The following MYH3 variants were observed in gnomAD, a reference collection of about 807,000 sequenced individuals.
MYH3 encodes the protein myosin-3.
In MYH3, 130 loss-of-function variants were observed where a neutral mutation model predicts 238.0. The observed-to-expected ratio is 0.55, with a 90% confidence interval of 0.47 to 0.63. The LOEUF (loss-of-function observed/expected upper bound fraction) is 0.63, where lower values mean the gene tolerates loss of function less well. Among genes scored for constraint, MYH3 ranks in the 30% least tolerant of loss-of-function variants. The pLI, the probability that MYH3 is intolerant of heterozygous loss-of-function variation, is 0.00. For synonymous variants in MYH3, 880 were observed against 924.1 expected (o/e 0.95, Z 0.86); for missense variants, 1,853 against 2,374.9 (o/e 0.78, Z 4.57).
chr17:10,643,114 A>G (rs987373064), intron 14 of MYH3, 118 bp from the exon 15 acceptor site: 18 of 1,558,918 alleles, frequency 1.2e-5, no homozygotes, highest in Non-Finnish European at 1.6e-5. Context: ...TTTCAAATAC[A>G]ATCACAATCT....
At position 10,642,456 on chromosome 17, in the gene MYH3, G is replaced by A; in HGVS notation, c.1849C>T (p.Leu617Phe). 1 of 1,614,230 alleles carries A rather than the reference G, an allele frequency of 6.2e-7. No individual in the cohort carries two copies. The change falls in exon 16 of 41, where the codon CTC (leucine) becomes TTC (phenylalanine). Residue 617 changes from leucine (L) to phenylalanine (F), a missense_variant. Leu to Phe is a conservative substitution (Grantham distance 22, BLOSUM62 0). This residue lies in a region of MYH3 where 678 missense variants were observed against 1,058.9 expected (regional missense o/e 0.64). Transcript: ENST00000583535. The surrounding 1 kb of genome is among the most constrained non-coding windows in gnomAD (Gnocchi z 5.4). The stretch of plus-strand genomic sequence containing the variant: ...AACGTGGCATAGAGGTGTGCCAGGA[G>A]CCTGTTGGAAGACTTCTGGTACAGC... ...VGLYQKSSNR[L>F]LAHLYATFAT...
rs2074247709 is a variant in MYH3, at chr17:10,639,426, T to C, written c.2974A>G (p.Lys992Glu). ...ELSGLDETIA[K>E]LTREKKALQE... ...AGGGCCTTCTTCTCTCTGGTTAACT[T>C]TGCAATTGTTTCATCTAACCCAGAG... The change falls in exon 24 of 41, where the codon AAG becomes GAG. Residue 992 changes from lysine (K) to glutamate (E), a missense_variant. Lys to Glu is a moderately conservative substitution (Grantham distance 56). Coordinates refer to ENST00000583535, the MANE Select transcript of MYH3 (RefSeq NM_002470.4). 1 of 1,614,002 alleles carries C rather than the reference T, an allele frequency of 6.2e-7. No individual in the cohort carries two copies. Among genetic ancestry groups the C allele is most frequent in the African/African-American group, 1.3e-5 (1 of 74,938 alleles).
intron 6 of MYH3, 113 bp from the exon 7 acceptor site, chr17:10,649,798 TCAC>T (rs2074357976): frequency 8.6e-6 from 8 of 925,448 alleles, no homozygotes; most frequent in Non-Finnish European, 1.4e-5. Context: ...TGACACACAC[TCAC>T]CACACTAATG....
intron 8 of MYH3, among the ~76,000 whole-genome samples, chr17:10,647,691 C>T (rs1258580562): frequency 2.0e-5 from 3 of 152,162 alleles, no homozygotes; most frequent in African/African-American, 2.4e-5. Context: ...ACTACAATCA[C>T]GTGCCACCAC....
intron 20 of MYH3, 38 bp from the exon 21 acceptor site, chr17:10,640,507 G>A: frequency 1.9e-6 from 3 of 1,614,246 alleles, no homozygotes; most frequent in Non-Finnish European, 2.5e-6. Flanking sequence ...CAGTTTCCTA[G>A]AGAAGCTGTG....
upstream of MYH3, among the ~76,000 whole-genome samples, chr17:10,659,578 T>C (rs946159752): frequency 1.1e-4 from 17 of 152,208 alleles, no homozygotes; most frequent in Admixed American, 3.9e-4. Flanking sequence ...CACATGGAGA[T>C]GGCCTGGTCC....
At chr17:10,651,195 A>AAAG (rs1375577655) in intron 5 of MYH3, among the ~76,000 whole-genome samples, 1 of 151,562 alleles carries the variant, frequency 6.6e-6, no homozygotes, top group Non-Finnish European at 1.5e-5. Flanking sequence ...AAAAAAAAAA[A>AAAG]AAAAAAACCA....
At chr17:10,630,604 C>G in intron 36 of MYH3, 146 bp from the exon 37 acceptor site, 3 of 1,224,740 alleles carry the variant, frequency 2.4e-6, no homozygotes, top group Non-Finnish European at 3.5e-6. Context: ...AATCCCAGCA[C>G]TTTGGGAGGC....
Position 10,644,646 on chromosome 17 carries a change from A to G in MYH3, c.1198T>C (p.Leu400=), listed in dbSNP as rs371633962. ...CCAACTTTCACTCTAGGAAAGCACA[A>G]AGCTTTTAGGAGGTCCGAAGAGTTC... ...GLNSSDLLKA[L]CFPRVKVGNE... Residue 400 remains leucine, a synonymous_variant, in exon 13 of 41, where the codon TTG becomes CTG. Transcript: ENST00000583535. 4.1e-5 allele frequency: 66 copies of G among 1,613,996 alleles called. No individual in the cohort carries two copies. The highest frequency in any genetic ancestry group is 5.6e-5 in the Non-Finnish European group (66 of 1,180,034).
chr17:10,634,065 C>T lies in MYH3; in HGVS notation c.4474G>A (p.Ala1492Thr). 6.2e-7 allele frequency: 1 copy of T among 1,614,192 alleles called. No individual in the cohort carries two copies. The highest frequency in any genetic ancestry group is 8.5e-7 in the Non-Finnish European group (1 of 1,180,032). Reference protein sequence around the residue: ...LFKLKNAYEEALDQLETVKRE... With the variant: ...LFKLKNAYEETLDQLETVKRE... ...TTCACAGTTTCAAGTTGATCTAAGG[C>T]TTCCTCGTAGGCATTTTTCAGTTTG... is the stretch of plus-strand genomic sequence containing the variant. The change falls in exon 32 of 41, where the codon GCC (alanine) becomes ACC (threonine). Residue 1492 changes from alanine to threonine, a missense_variant. Around this residue, in one of 3 missense-constraint regions of MYH3, gnomAD observed 1,044 missense variants for 1,192.6 expected, o/e 0.88. Transcript: ENST00000583535.
At position 10,641,080 on chromosome 17, in the gene MYH3, C is replaced by T. The variant is rs753440562; in HGVS notation, c.2165+5G>A. 3 of 1,577,306 alleles carry T rather than the reference C, an allele frequency of 1.9e-6. No homozygotes were observed. Among genetic ancestry groups the T allele is most frequent in the African/African-American group, 2.7e-5 (2 of 74,338 alleles). On this transcript the variant is annotated splice_donor_5th_base_variant and intron_variant, in intron 19 of 40. Transcript: ENST00000583535. Reference sequence around the variant, plus strand: ...CCAAGCATATAGAACATGTTTATTACACACCTTTGTTTAAAATCGCCATAG... The same window carrying T: ...CCAAGCATATAGAACATGTTTATTATACACCTTTGTTTAAAATCGCCATAG...
chr17:10,634,073 T>C lies in MYH3; in HGVS notation c.4466A>G (p.Tyr1489Cys). The change falls in exon 32 of 41, where the codon TAC (tyrosine) becomes TGC (cysteine). Residue 1489 changes from tyrosine to cysteine, a missense_variant. Around this residue, in one of 3 missense-constraint regions of MYH3, gnomAD observed 1,044 missense variants for 1,192.6 expected, o/e 0.88. Coordinates refer to ENST00000583535, the MANE Select transcript of MYH3 (RefSeq NM_002470.4). ...TTCAAGTTGATCTAAGGCTTCCTCG[T>C]AGGCATTTTTCAGTTTGAAGAGCTC... is the stretch of plus-strand genomic sequence containing the variant. ...STELFKLKNAYEEALDQLETV... is the reference protein window; with the variant it reads ...STELFKLKNACEEALDQLETV... The C allele has an allele frequency of 1.2e-6, 2 of 1,614,184 alleles. No homozygotes were observed. The highest frequency in any genetic ancestry group is 1.7e-6 in the Non-Finnish European group (2 of 1,180,024).
chr17:10,638,018 G>C, intron 27 of MYH3, 25 bp downstream of exon 27: 1 of 1,613,970 alleles, frequency 6.2e-7, no homozygotes, highest in Non-Finnish European at 8.5e-7. Context: ...GGAAAGCCTT[G>C]AGCCACCCCC....
intron 8 of MYH3, among the ~76,000 whole-genome samples, chr17:10,647,690 A>T (rs1397651078): frequency 6.6e-6 from 1 of 152,108 alleles, no homozygotes; most frequent in Admixed American, 6.6e-5. Context: ...GACTACAATC[A>T]CGTGCCACCA....
chr17:10,661,487 CT>C (rs1489914614), upstream of MYH3, among the ~76,000 whole-genome samples: 2 of 152,018 alleles, frequency 1.3e-5, no homozygotes, highest in East Asian at 3.9e-4. Context: ...AGCCCTTATT[CT>C]TTCAGCCATC....
chr17:10,628,674 C>T lies in MYH3; in HGVS notation c.5802G>A (p.Val1934=). 1 of 1,614,204 alleles carries T rather than the reference C, an allele frequency of 6.2e-7. No homozygotes were observed. ...KTRDFTSSRM[V]VHESEE is the part of the protein sequence containing the mutation. ...TGGCTCACTCTTCACTCTCGTGGAC[C>T]ACCATCTAGGAAGAAAGTAGGCACC... is the stretch of plus-strand genomic sequence containing the variant. Residue 1934 remains valine, a synonymous_variant, in exon 41 of 41, where the codon GTG becomes GTA. Transcript: ENST00000583535.
chr17:10,651,431 A>C (rs1442124118), intron 5 of MYH3, 81 bp downstream of exon 5: 1 of 1,607,420 alleles, frequency 6.2e-7, no homozygotes, highest in Admixed American at 1.7e-5. Flanking sequence ...GATGGGGTCC[A>C]GCCTGGGAGT....
chr17:10,635,215 T>A, intron 30 of MYH3, 152 bp downstream of exon 30: 1 of 1,401,008 alleles, frequency 7.1e-7, no homozygotes, highest in Non-Finnish European at 9.8e-7. Flanking sequence ...ATCAAAGCTG[T>A]TTGTTTTAAT....
At chr17:10,667,726 A>G in the MYH3 span, among the ~76,000 whole-genome samples, 1 of 151,942 alleles carries the variant, frequency 6.6e-6, no homozygotes, top group Admixed American at 6.6e-5. Context: ...ATGAGCTGAA[A>G]TAGGTTAATT....
Sources: allele counts gnomAD v4.1 joint callset (sites outside exome capture counted in the v4.1 genomes callset), GRCh38; gene constraint gnomAD v4.1.1; regional missense constraint gnomAD v4.1.1; non-coding constraint Gnocchi (gnomAD v3.1); transcripts MANE v1.5; gene names NCBI Gene and HGNC (gene_info 2026-07-23, HGNC 2026-07-21).